Variants in NLGN1 observed in about 807,000 individuals in gnomAD.
NLGN1 encodes the protein neuroligin 1.
A neutral mutation model predicts 65.5 loss-of-function variants in NLGN1; 12 were observed. The ratio of observed to expected loss-of-function variants is 0.18; its 90% CI spans 0.12 to 0.30. The LOEUF is 0.30. NLGN1 is among the 10% of genes least tolerant of loss of function. NLGN1 has a pLI of 1.00. For synonymous variants in NLGN1, 350 were observed against 359.5 expected, an observed-to-expected ratio of 0.97 and a Z score of 0.30; for missense variants, 750 against 1,007.1, an observed-to-expected ratio of 0.74 and a Z score of 3.46.
intron 2 of NLGN1, among the ~76,000 whole-genome samples, chr3:173,448,686 T>G (rs548192073): frequency 3.3e-4 from 50 of 152,344 alleles, no homozygotes; most frequent in African/African-American, 1.1e-3. Flanking sequence ...TGAATCCATC[T>G]GGTCCTGGGC....
intron 2 of NLGN1, among the ~76,000 whole-genome samples, chr3:173,476,967 A>G (rs1007499252): frequency 1.3e-5 from 2 of 152,132 alleles, no homozygotes; most frequent in African/African-American, 4.8e-5. Flanking sequence ...ACACTGATTA[A>G]GATAAAGAAG....
intron 4 of NLGN1, among the ~76,000 whole-genome samples, chr3:173,837,864 G>A (rs2150649404): frequency 6.6e-6 from 1 of 152,270 alleles, no homozygotes; most frequent in Non-Finnish European, 1.5e-5. Context: ...ATGCAGTTCT[G>A]GTGGGAACAG....
At chr3:173,682,335 A>T (rs1291572423) in intron 3 of NLGN1, among the ~76,000 whole-genome samples, 1 of 152,062 alleles carries the variant, frequency 6.6e-6, no homozygotes, top group Non-Finnish European at 1.5e-5. Context: ...CACGCCTGTA[A>T]TCCCAGCACT....
At chr3:173,867,630 A>G (rs546785852) in intron 4 of NLGN1, among the ~76,000 whole-genome samples, 1 of 152,180 alleles carries the variant, frequency 6.6e-6, no homozygotes, top group South Asian at 2.1e-4. Context: ...TTTAATTAAT[A>G]TTAATTATCA....
chr3:174,022,733 T>C (rs1328541416), intron 4 of NLGN1, among the ~76,000 whole-genome samples: 2 of 152,138 alleles, frequency 1.3e-5, no homozygotes, highest in Non-Finnish European at 2.9e-5. Flanking sequence ...GAATTTTCGT[T>C]TGATGCAGGG....
chr3:174,242,740 T>C (rs1041926327), intron 4 of NLGN1, among the ~76,000 whole-genome samples: 11 of 152,148 alleles, frequency 7.2e-5, no homozygotes, highest in African/African-American at 2.7e-4. Context: ...TATTACAATG[T>C]GGCAATAATA....
intron 3 of NLGN1, among the ~76,000 whole-genome samples, chr3:173,747,792 CTTCTTGTTCTT>C (rs1775697586): frequency 1.1e-5 from 1 of 90,260 alleles, no homozygotes; most frequent in Non-Finnish European, 2.1e-5. Flanking sequence ...CTTTCTTCTT[CTTCTTGTTCTT>C]TTTTTTTTTT....
intron 4 of NLGN1, among the ~76,000 whole-genome samples, chr3:173,907,883 C>A (rs1200101968): frequency 6.6e-6 from 1 of 152,050 alleles, no homozygotes; most frequent in Non-Finnish European, 1.5e-5. Flanking sequence ...CCACCCCCGG[C>A]TAATTTTTGT....
chr3:174,236,055 G>A (rs997621386), intron 4 of NLGN1, among the ~76,000 whole-genome samples: 4 of 152,144 alleles, frequency 2.6e-5, no homozygotes, highest in Non-Finnish European at 5.9e-5. Context: ...TACTTAGATT[G>A]TGCTGGCACA....
At chr3:173,792,684 T>G (rs748411045) in intron 3 of NLGN1, among the ~76,000 whole-genome samples, 22 of 152,242 alleles carry the variant, frequency 1.4e-4, no homozygotes, top group Admixed American at 1.2e-3. Flanking sequence ...AGATAAAATG[T>G]GCAGATAGTA....
intron 2 of NLGN1, among the ~76,000 whole-genome samples, chr3:173,596,707 C>T (rs1224757301): frequency 2.6e-5 from 4 of 152,200 alleles, no homozygotes; most frequent in Non-Finnish European, 5.9e-5. Context: ...TTAATATGGT[C>T]ATGACATGGG....
At position 174,144,181 on chromosome 3, in the gene NLGN1, C is replaced by T. The variant is rs186889688; in HGVS notation, c.647-131134C>T. Among the ~76,000 whole-genome samples the T allele has an allele frequency of 3.7e-3, 566 of 152,184 alleles. 1 individual carries two copies. The highest frequency in any genetic ancestry group is 5.1e-3 in the Non-Finnish European group (348 of 68,000). On this transcript the variant is annotated intron_variant, in intron 4 of 6. Coordinates refer to ENST00000457714, the Ensembl canonical transcript of NLGN1. ...ACATGCAGTGTTTGGTTTTCTGTTC[C>T]TGTGTTAGTTTGCTGAGAATGATGG...
rs1168837585 is a variant in NLGN1, at chr3:174,116,330, C to CTTTT, written c.647-158961_647-158958dup. On this transcript the variant is annotated intron_variant, in intron 4 of 6. Transcript: ENST00000457714. Reference sequence around the variant, plus strand: ...ACATGTAAGTTTTTTTCTGGGTTTTCTTTTTTTTTTTTTTTTTTTTTTTTT... The same window carrying CTTTT: ...ACATGTAAGTTTTTTTCTGGGTTTTCTTTTTTTTTTTTTTTTTTTTTTTTTTTTT... 1.9e-3 allele frequency among the ~76,000 whole-genome samples: 132 copies of CTTTT among 69,650 alleles called. 56 individuals are homozygous for CTTTT. Among genetic ancestry groups the CTTTT allele is most frequent in the Non-Finnish European group, 2.6e-3 (86 of 33,128 alleles). The allele number at this position is 69,650 out of a possible 152,430, so 45.7% of individuals were successfully genotyped here.
At chr3:174,063,641 A>G (rs1737872759) in intron 4 of NLGN1, among the ~76,000 whole-genome samples, 1 of 142,822 alleles carries the variant, frequency 7.0e-6, no homozygotes, top group African/African-American at 2.8e-5. Flanking sequence ...TTTGTTATCA[A>G]CTAGCTTAGC....
intron 4 of NLGN1, among the ~76,000 whole-genome samples, chr3:173,826,028 G>GT (rs967264770): frequency 9.9e-5 from 15 of 151,688 alleles, no homozygotes; most frequent in Admixed American, 3.3e-4. Flanking sequence ...AACAAATGTA[G>GT]TTTTTTTTAA....
chr3:173,592,391 T>C (rs1464996105), intron 2 of NLGN1, among the ~76,000 whole-genome samples: 1 of 152,228 alleles, frequency 6.6e-6, no homozygotes, highest in East Asian at 1.9e-4. Context: ...TTAATCTTTT[T>C]CTCTTTTTGT....
intron 4 of NLGN1, among the ~76,000 whole-genome samples, chr3:173,934,734 C>A (rs1010693396): frequency 2.6e-5 from 4 of 151,930 alleles, no homozygotes; most frequent in African/African-American, 9.7e-5. Context: ...CTTGATGAAT[C>A]CATCTTTATC....
intron 3 of NLGN1, among the ~76,000 whole-genome samples, chr3:173,657,132 G>A (rs1373034178): frequency 6.6e-6 from 1 of 151,892 alleles, no homozygotes; most frequent in Non-Finnish European, 1.5e-5. Flanking sequence ...TAGAACTTTG[G>A]GATCTCATGG....
chr3:174,170,779 G>T (rs1468122188), intron 4 of NLGN1, among the ~76,000 whole-genome samples: 1 of 152,078 alleles, frequency 6.6e-6, no homozygotes, highest in Non-Finnish European at 1.5e-5. Flanking sequence ...AATCAAAGAA[G>T]AAATTTAAGT....
Sources: allele counts gnomAD v4.1 joint callset (sites outside exome capture counted in the v4.1 genomes callset), GRCh38; gene constraint gnomAD v4.1.1; transcripts MANE v1.5; gene names NCBI Gene and HGNC (gene_info 2026-07-23, HGNC 2026-07-21).